The following AOPEP variants were observed in gnomAD, a reference collection of about 807,000 sequenced individuals.
AOPEP encodes aminopeptidase O (putative), also known as aminopeptidase O.
AOPEP carries 77 observed loss-of-function variants against 98.1 expected under a neutral mutation model. The observed-to-expected ratio is 0.78, with a 90% confidence interval of 0.65 to 0.95. AOPEP has a LOEUF of 0.95. AOPEP is among the 40% of genes least tolerant of loss of function. AOPEP has a pLI of 0.00. For synonymous variants in AOPEP, 346 were observed against 365.3 expected (o/e 0.95, Z 0.60); for missense variants, 1,024 against 1,024.7 (o/e 1.00, Z 0.01).
chr9:94,988,998 T>C (rs1459288411), intron 11 of AOPEP, among the ~76,000 whole-genome samples: 2 of 151,736 alleles, frequency 1.3e-5, no homozygotes, highest in East Asian at 3.9e-4. Context: ...AATCTCCGCC[T>C]CCTGGGTTCA....
At chr9:94,820,238 G>A (rs1852747775) in intron 5 of AOPEP, among the ~76,000 whole-genome samples, 1 of 152,078 alleles carries the variant, frequency 6.6e-6, no homozygotes, top group South Asian at 2.1e-4. Context: ...GAGCCACCGC[G>A]CCTGGCCAGT....
At chr9:95,055,967 G>A (rs1014243450) in intron 13 of AOPEP, among the ~76,000 whole-genome samples, 1 of 151,904 alleles carries the variant, frequency 6.6e-6, no homozygotes, top group African/African-American at 2.4e-5. Flanking sequence ...TTTTCTGGAA[G>A]AAGAATGCTC....
chr9:94,845,316 G>A (rs1255118662), intron 5 of AOPEP, among the ~76,000 whole-genome samples: 2 of 152,246 alleles, frequency 1.3e-5, no homozygotes, highest in South Asian at 2.1e-4. Context: ...GGAAGGCCAG[G>A]CTGCTGGTGT....
intron 7 of AOPEP, among the ~76,000 whole-genome samples, chr9:94,951,357 G>GT (rs2058087104): frequency 6.6e-6 from 1 of 152,126 alleles, no homozygotes; most frequent in Admixed American, 6.5e-5. Flanking sequence ...CTGGATCTTG[G>GT]GGGGGCCCCA....
At position 94,934,315 on chromosome 9, in the gene AOPEP, C is replaced by CTTTTTTTTTTTTTTTTTTTTTTTT. The variant is rs974551445; in HGVS notation, c.1661+5803_1661+5804insTTTTTTTTTTTTTTTTTTTTTTTT. Reference sequence around the variant, plus strand: ...CTGACTATGCTCACACTTCTCCCATCTTTTTTTTTTTTTTTTTTTGAGACA... The same window carrying CTTTTTTTTTTTTTTTTTTTTTTTT: ...CTGACTATGCTCACACTTCTCCCATCTTTTTTTTTTTTTTTTTTTTTTTTTTTTTTTTTTTTTTTTTTTGAGACA... On this transcript the variant is annotated intron_variant, in intron 7 of 16. Transcript: ENST00000375315. 8.6e-5 allele frequency among the ~76,000 whole-genome samples: 10 copies of CTTTTTTTTTTTTTTTTTTTTTTTT among 116,740 alleles called. 1 individual carries two copies. The highest frequency in any genetic ancestry group is 4.0e-4 in the African/African-American group (10 of 25,182). The allele number at this position is 116,740 out of a possible 152,430, so 76.6% of individuals were successfully genotyped here. A position where few individuals can be genotyped will look rare whatever the true frequency, so the allele number is the denominator to read the frequency against.
In AOPEP at chr9:94,728,937, G is replaced by A. The variant is rs1024728861; in HGVS notation, c.-136+2186G>A. The stretch of plus-strand genomic sequence containing the variant: ...TGCTGACATTGCGTTGATTTGTTGG[G>A]ATAGGGATTGAGGAAAGTTGGTAGA... On this transcript the variant is annotated intron_variant, in intron 1 of 16. Transcript: ENST00000375315. Among the ~76,000 whole-genome samples, 4 of 152,216 alleles carry A rather than the reference G, an allele frequency of 2.6e-5. No homozygotes were observed. In the South Asian group the frequency reaches 8.3e-4, roughly 32 times the overall value.
intron 7 of AOPEP, among the ~76,000 whole-genome samples, chr9:94,948,430 T>G (rs1205473718): frequency 6.6e-6 from 1 of 151,752 alleles, no homozygotes; most frequent in Non-Finnish European, 1.5e-5. Context: ...ATTCTAACTC[T>G]TGTAGTTCAT....
chr9:94,804,986 T>C (rs1273513116), intron 5 of AOPEP, among the ~76,000 whole-genome samples: 1 of 152,100 alleles, frequency 6.6e-6, no homozygotes, highest in African/African-American at 2.4e-5. Context: ...TGGGAACCAC[T>C]CTCATGGGTT....
At chr9:94,945,439 C>T (rs1206329223) in intron 7 of AOPEP, among the ~76,000 whole-genome samples, 1 of 152,174 alleles carries the variant, frequency 6.6e-6, no homozygotes, top group Non-Finnish European at 1.5e-5. Flanking sequence ...CTCACACTTA[C>T]TGTTAGATGC....
intron 10 of AOPEP, among the ~76,000 whole-genome samples, chr9:94,969,568 C>T (rs538151309): frequency 3.1e-4 from 47 of 152,098 alleles, no homozygotes; most frequent in Admixed American, 1.6e-3. Flanking sequence ...CCACCACGCC[C>T]GGCTAATTTT....
intron 13 of AOPEP, chr9:95,019,008 A>C (rs1291700063): frequency 1.3e-5 from 2 of 152,192 alleles, no homozygotes; most frequent in Non-Finnish European, 2.9e-5. Context: ...AGAAGCAGGA[A>C]AACATTCCTA....
intron 7 of AOPEP, among the ~76,000 whole-genome samples, chr9:94,954,263 G>T (rs1244380278): frequency 6.6e-6 from 1 of 152,156 alleles, no homozygotes; most frequent in Non-Finnish European, 1.5e-5. Flanking sequence ...GGCAGAGGTT[G>T]CAGTGAGCCA....
At chr9:94,782,100 G>T (rs1272973168) in intron 3 of AOPEP, among the ~76,000 whole-genome samples, 2 of 151,800 alleles carry the variant, frequency 1.3e-5, no homozygotes, top group Non-Finnish European at 2.9e-5. Context: ...TGAGGCAGGA[G>T]AATTGCTTGA....
chr9:95,121,634 T>C, the AOPEP span, among the ~76,000 whole-genome samples: 3 of 152,182 alleles, frequency 2.0e-5, no homozygotes, highest in Non-Finnish European at 1.5e-5. Context: ...GTTTTCACAA[T>C]GGACTATGCA....
At chr9:94,788,319 T>A (rs1368233849) in intron 3 of AOPEP, among the ~76,000 whole-genome samples, 1 of 152,156 alleles carries the variant, frequency 6.6e-6, no homozygotes, top group African/African-American at 2.4e-5. Flanking sequence ...TCTCATGTGA[T>A]CCTTTTACCT....
At chr9:94,936,535 T>G (rs538218477) in intron 7 of AOPEP, among the ~76,000 whole-genome samples, 39 of 152,326 alleles carry the variant, frequency 2.6e-4, no homozygotes, top group Non-Finnish European at 4.3e-4. Context: ...GTTTTTCATC[T>G]GCTCTCACTC....
intron 13 of AOPEP, among the ~76,000 whole-genome samples, chr9:95,021,212 C>T (rs1002568854): frequency 6.6e-6 from 1 of 152,096 alleles, no homozygotes; most frequent in Non-Finnish European, 1.5e-5. Flanking sequence ...GGGATTAGTG[C>T]CCCAGAACTC....
At chr9:94,884,452 C>T (rs1305220099) in intron 5 of AOPEP, among the ~76,000 whole-genome samples, 5 of 152,130 alleles carry the variant, frequency 3.3e-5, no homozygotes, top group Admixed American at 3.3e-4. Context: ...TTAAGGCTAA[C>T]TTGGCATAAT....
the AOPEP span, among the ~76,000 whole-genome samples, chr9:95,145,733 T>TATGTGAGAACTGAGA: frequency 6.6e-6 from 1 of 151,986 alleles, no homozygotes; most frequent in Non-Finnish European, 1.5e-5. Flanking sequence ...CAGGCCTGAC[T>TATGTGAGAACTGAGA]ATGTGAGAAC....
Sources: allele counts gnomAD v4.1 joint callset (sites outside exome capture counted in the v4.1 genomes callset), GRCh38; gene constraint gnomAD v4.1.1; transcripts MANE v1.5; gene names NCBI Gene and HGNC (gene_info 2026-07-23, HGNC 2026-07-21).